HYCC2: variants seen among roughly 807,000 people sequenced by gnomAD.
HYCC2 encodes hyccin PI4KA lipid kinase complex subunit 2.
At chr2:201,038,268 A>C in the HYCC2 span, among the ~76,000 whole-genome samples, 1 of 152,192 alleles carries the variant, frequency 6.6e-6, no homozygotes, top group Non-Finnish European at 1.5e-5. Flanking sequence ...GATGTGGAGA[A>C]ATAGGAACAC....
At chr2:200,976,777 C>T in the HYCC2 span, 1 of 152,090 alleles carries the variant, frequency 6.6e-6, no homozygotes, top group Non-Finnish European at 1.5e-5. Context: ...CACTATAGAA[C>T]CTTTTTCAAT....
chr2:201,004,301 C>A, the HYCC2 span, among the ~76,000 whole-genome samples: 3 of 152,214 alleles, frequency 2.0e-5, no homozygotes, highest in African/African-American at 7.2e-5. Context: ...GGAGAACTCC[C>A]TTCTAGAATC....
the HYCC2 span, chr2:201,017,090 G>C: frequency 6.2e-7 from 1 of 1,613,990 alleles, no homozygotes; most frequent in Admixed American, 1.7e-5. Flanking sequence ...ATTCTGGCAA[G>C]AACTGCAGTG....
chr2:201,046,424 G>C, the HYCC2 span, among the ~76,000 whole-genome samples: 368 of 151,886 alleles, frequency 2.4e-3, 3 homozygotes, highest in African/African-American at 8.5e-3. Context: ...GTTCTGCAGT[G>C]GGGGGGAAGA....
chr2:201,067,409 A>G, the HYCC2 span, among the ~76,000 whole-genome samples: 2 of 152,208 alleles, frequency 1.3e-5, no homozygotes, highest in Admixed American at 6.5e-5. Context: ...GCCACTTACC[A>G]TATTTTATGA....
At chr2:201,070,640 G>A in the HYCC2 span, among the ~76,000 whole-genome samples, 2 of 150,494 alleles carry the variant, frequency 1.3e-5, no homozygotes, top group South Asian at 4.2e-4. Context: ...CAACAACAGC[G>A]AAACTCCGTC....
At chr2:201,014,714 G>T in the HYCC2 span, among the ~76,000 whole-genome samples, 7 of 152,040 alleles carry the variant, frequency 4.6e-5, no homozygotes, top group Non-Finnish European at 1.0e-4. Flanking sequence ...AGTGAGCACT[G>T]GTACAGAAGA....
chr2:201,030,810 C>T, the HYCC2 span, among the ~76,000 whole-genome samples: 1 of 152,092 alleles, frequency 6.6e-6, no homozygotes, highest in Non-Finnish European at 1.5e-5. Context: ...AACTCCTGAC[C>T]TCAGGTGATC....
the HYCC2 span, among the ~76,000 whole-genome samples, chr2:201,027,419 A>C: frequency 6.6e-6 from 1 of 152,202 alleles, no homozygotes; most frequent in Admixed American, 6.5e-5. Flanking sequence ...TTCTAAAACT[A>C]TTCCAATCAA....
At chr2:201,035,538 C>T in the HYCC2 span, among the ~76,000 whole-genome samples, 9 of 152,230 alleles carry the variant, frequency 5.9e-5, no homozygotes, top group Middle Eastern at 3.4e-3. Flanking sequence ...TTCTTTGCCA[C>T]GGGTTCGAAC....
chr2:201,033,188 T>TGAGA, the HYCC2 span, among the ~76,000 whole-genome samples: 1 of 146,298 alleles, frequency 6.8e-6, no homozygotes, highest in Non-Finnish European at 1.5e-5. Context: ...TGTGTGTGTG[T>TGAGA]GTGTGTGTGA....
chr2:201,022,670 C>A, the HYCC2 span: 1 of 455,968 alleles, frequency 2.2e-6, no homozygotes, highest in Non-Finnish European at 3.8e-6. Context: ...TATGGAAAGG[C>A]AGGGAATAGG....
chr2:201,063,079 C>A, the HYCC2 span: 1 of 1,608,794 alleles, frequency 6.2e-7, no homozygotes, highest in South Asian at 1.1e-5. Context: ...TCTCTCTTCA[C>A]CCTGCCGTCA....
the HYCC2 span, among the ~76,000 whole-genome samples, chr2:200,993,849 T>C: frequency 1.3e-5 from 2 of 150,052 alleles, no homozygotes; most frequent in Non-Finnish European, 3.0e-5. Context: ...TAGCCGGGCA[T>C]GGTGGCGGGT....
At chr2:201,020,416 G>T in the HYCC2 span, among the ~76,000 whole-genome samples, 1 of 152,032 alleles carries the variant, frequency 6.6e-6, no homozygotes, top group Non-Finnish European at 1.5e-5. Flanking sequence ...GAGACAAGTA[G>T]ACAGAGGCTA....
the HYCC2 span, among the ~76,000 whole-genome samples, chr2:201,017,624 T>C: frequency 6.6e-6 from 1 of 152,236 alleles, no homozygotes; most frequent in Admixed American, 6.5e-5. Context: ...AAAATGTGTG[T>C]TGATACAGAA....
the HYCC2 span, chr2:201,023,081 G>GAAT: frequency 1.8e-6 from 1 of 549,364 alleles, no homozygotes; most frequent in Middle Eastern, 5.0e-4. Flanking sequence ...GGGCACAGTG[G>GAAT]CTCACGTCTG....
the HYCC2 span, among the ~76,000 whole-genome samples, chr2:201,036,307 C>G: frequency 1.3e-5 from 2 of 152,124 alleles, no homozygotes; most frequent in Non-Finnish European, 2.9e-5. Flanking sequence ...CAAATTCTAC[C>G]AGAGGTATAA....
At chr2:201,018,094 A>G in the HYCC2 span, among the ~76,000 whole-genome samples, 1 of 152,158 alleles carries the variant, frequency 6.6e-6, no homozygotes, top group Non-Finnish European at 1.5e-5. Context: ...ATCCAGAAAT[A>G]GCTTTTTCAG....
Sources: allele counts gnomAD v4.1 joint callset (sites outside exome capture counted in the v4.1 genomes callset), GRCh38; gene constraint gnomAD v4.1.1; transcripts MANE v1.5; gene names NCBI Gene and HGNC (gene_info 2026-07-23, HGNC 2026-07-21).